Variants in SULF1 observed in about 807,000 individuals in gnomAD.
SULF1 encodes sulfatase 1.
In SULF1, 46 loss-of-function variants were observed where a neutral mutation model predicts 110.5. The observed-to-expected ratio is 0.42, with a 90% CI of 0.33 to 0.53. The LOEUF (loss-of-function observed/expected upper bound fraction) is 0.53. SULF1 is among the 20% of genes least tolerant of loss of function. SULF1 has a pLI of 0.12. For synonymous variants in SULF1, 371 were observed against 387.1 expected (o/e 0.96, Z 0.49); for missense variants, 941 against 1,094.2 (o/e 0.86, Z 1.98).
At chr8:69,544,997 T>C (rs1021782159) in intron 3 of SULF1, among the ~76,000 whole-genome samples, 2 of 152,086 alleles carry the variant, frequency 1.3e-5, no homozygotes, top group African/African-American at 2.4e-5. Context: ...CTTTTCATTG[T>C]TGTTGTTTTT....
intron 3 of SULF1, among the ~76,000 whole-genome samples, chr8:69,518,383 C>T (rs1812076972): frequency 6.6e-6 from 1 of 152,174 alleles, no homozygotes; most frequent in Admixed American, 6.5e-5. Context: ...TTTCTCTTGA[C>T]TAATTTTTCT....
At chr8:69,550,298 A>G (rs1339504516) in intron 3 of SULF1, among the ~76,000 whole-genome samples, 1 of 152,084 alleles carries the variant, frequency 6.6e-6, no homozygotes, top group African/African-American at 2.4e-5. Context: ...AATGAGTGAA[A>G]ATAGTTCCTA....
intron 3 of SULF1, among the ~76,000 whole-genome samples, chr8:69,505,376 T>C (rs1447493555): frequency 6.6e-6 from 1 of 152,198 alleles, no homozygotes; most frequent in East Asian, 1.9e-4. Flanking sequence ...ATTGCACTGT[T>C]GGACAAGGTT....
At chr8:69,644,787 A>C (rs1408488978) in intron 22 of SULF1, among the ~76,000 whole-genome samples, 2 of 149,306 alleles carry the variant, frequency 1.3e-5, no homozygotes, top group African/African-American at 2.5e-5. Context: ...AAAAGAATTG[A>C]GCACTCAAGT....
At chr8:69,589,264 G>A (rs1235910699) in intron 8 of SULF1, 123 bp downstream of exon 8, 2 of 1,033,382 alleles carry the variant, frequency 1.9e-6, no homozygotes, top group African/African-American at 1.6e-5. Flanking sequence ...CTTCATGAAA[G>A]GATAACTTAA....
intron 3 of SULF1, among the ~76,000 whole-genome samples, chr8:69,561,225 A>C (rs929752083): frequency 6.6e-6 from 1 of 152,168 alleles, no homozygotes; most frequent in Non-Finnish European, 1.5e-5. Flanking sequence ...CAAAACATCA[A>C]ATTGAACCCT....
intron 9 of SULF1, 27 bp from the exon 10 acceptor site, chr8:69,601,627 C>G (rs1229622113): frequency 1.3e-6 from 2 of 1,577,012 alleles, no homozygotes; most frequent in African/African-American, 2.7e-5. Flanking sequence ...ACAATTGATT[C>G]TGACTTGTTC....
Position 69,625,161 on chromosome 8 carries a change from C to T in SULF1, c.1850+964C>T, listed in dbSNP as rs927627799. Among the ~76,000 whole-genome samples, 63 of 152,310 alleles carry T rather than the reference C, an allele frequency of 4.1e-4. 1 individual carries two copies. The highest frequency in any genetic ancestry group is 1.4e-3 in the African/African-American group (59 of 41,564). On this transcript the variant is annotated intron_variant, in intron 15 of 22. Coordinates refer to ENST00000402687, the MANE Select transcript of SULF1 (RefSeq NM_001128205.2). ...TTTAACAAAATGAGTGGAATGAATT[C>T]CCCTTCTGAATCTGCTTTTCTTCAA...
chr8:69,486,065 C>T (rs974778073), intron 1 of SULF1, among the ~76,000 whole-genome samples: 19 of 152,116 alleles, frequency 1.2e-4, no homozygotes, highest in African/African-American at 4.1e-4. Context: ...TCTATTTAAA[C>T]ACAGAAACTT....
intron 3 of SULF1, among the ~76,000 whole-genome samples, chr8:69,553,908 C>T (rs1814899754): frequency 6.6e-6 from 1 of 152,192 alleles, no homozygotes; most frequent in Non-Finnish European, 1.5e-5. Context: ...ATCAGCCCAA[C>T]CCTGTTGCAC....
chr8:69,592,144 A>G (rs533807951), intron 8 of SULF1, among the ~76,000 whole-genome samples: 21 of 152,316 alleles, frequency 1.4e-4, no homozygotes, highest in African/African-American at 4.8e-4. Flanking sequence ...AAATTTCTGC[A>G]GATAATTGTT....
intron 22 of SULF1, among the ~76,000 whole-genome samples, chr8:69,641,705 C>T (rs956798059): frequency 6.6e-6 from 1 of 152,054 alleles, no homozygotes; most frequent in Admixed American, 6.5e-5. Context: ...GATAGTGACA[C>T]TGACCTCCAG....
intron 6 of SULF1, 148 bp downstream of exon 6, chr8:69,576,357 C>T: frequency 3.6e-6 from 3 of 830,858 alleles, no homozygotes; most frequent in Non-Finnish European, 3.7e-6. Context: ...ACCCCAGGGT[C>T]TGGGACACAG....
intron 1 of SULF1, among the ~76,000 whole-genome samples, chr8:69,474,343 C>T (rs972481155): frequency 2.0e-5 from 3 of 152,196 alleles, no homozygotes; most frequent in African/African-American, 7.2e-5. Flanking sequence ...AATCACCTTT[C>T]TGTCATATAA....
At position 69,621,036 on chromosome 8, in the gene SULF1, A is replaced by C. The variant is rs778635976; in HGVS notation, c.1379A>C (p.Lys460Thr). 7.5e-6 allele frequency: 12 copies of C among 1,593,168 alleles called. No individual in the cohort carries two copies. In the African/African-American group the frequency reaches 1.5e-4, roughly 20 times the overall value. Residue 460 changes from lysine (K) to threonine (T), a missense_variant and splice_region_variant, in exon 14 of 23, where the codon AAG becomes ACG. By Grantham distance (78) the Lys-to-Thr change is moderately conservative. This residue lies in a region of SULF1 where 822 missense variants were observed against 934.3 expected (regional missense o/e 0.88). Transcript: ENST00000402687. Reference sequence around the variant, plus strand: ...CTGCTTTCACGTTGGCTTTTGCAGAAGTGGCAATGCATTGAGGATACATCT... The same window carrying C: ...CTGCTTTCACGTTGGCTTTTGCAGACGTGGCAATGCATTGAGGATACATCT... ...YQTACEQPGQ[K>T]WQCIEDTSGK...
chr8:69,489,571 C>CTTTTTTT (rs61391745), upstream of SULF1, among the ~76,000 whole-genome samples: 49 of 91,958 alleles, frequency 5.3e-4, no homozygotes, highest in African/African-American at 7.3e-4. Flanking sequence ...CTTTCTTTCT[C>CTTTTTTT]TTTTTTTTTT....
intron 22 of SULF1, chr8:69,641,133 G>C (rs772769365): frequency 6.4e-6 from 2 of 311,410 alleles, no homozygotes; most frequent in African/African-American, 2.1e-5. Context: ...AAAAAAAACA[G>C]AATGGCCTTT....
chr8:69,629,638 C>T lies in SULF1; in HGVS notation c.2243C>T (p.Thr748Met), dbSNP rs746878657. The change falls in exon 19 of 23, where the codon ACG (threonine) becomes ATG (methionine). Residue 748 changes from threonine to methionine, a missense_variant. Physicochemically the swap from Thr to Met is moderately conservative, Grantham distance 81. Around this residue, in one of 3 missense-constraint regions of SULF1, gnomAD observed 7 missense variants for 26.3 expected, o/e 0.27. Transcript: ENST00000402687. Reference sequence around the variant, plus strand: ...AGCCTGCCTGGCCTCACTTGCTTCACGCATGACAACAACCACTGGCAGACA... The same window carrying T: ...AGCCTGCCTGGCCTCACTTGCTTCATGCATGACAACAACCACTGGCAGACA... ...ECSLPGLTCF[T>M]HDNNHWQTAP... The T allele has an allele frequency of 5.6e-6, 9 of 1,612,420 alleles. No individual in the cohort carries two copies. The highest frequency in any genetic ancestry group is 4.0e-5 in the African/African-American group (3 of 74,858).
intron 6 of SULF1, among the ~76,000 whole-genome samples, chr8:69,582,536 T>C (rs1239097622): frequency 6.6e-6 from 1 of 152,108 alleles, no homozygotes; most frequent in Non-Finnish European, 1.5e-5. Context: ...ATTATCACCA[T>C]AGTGGCTTTG....
Sources: gnomAD v4.1 joint callset for allele counts (sites outside exome capture counted in the v4.1 genomes callset) on GRCh38, gnomAD v4.1.1 for gene constraint, gnomAD v4.1.1 regional missense constraint, MANE v1.5 for transcripts, NCBI Gene and HGNC (gene_info 2026-07-23, HGNC 2026-07-21) for gene names.